Variants in DOCK9 observed in about 807,000 individuals in gnomAD.
The protein encoded by DOCK9 is dedicator of cytokinesis 9, also known as dedicator of cytokinesis protein 9.
A neutral mutation model predicts 263.3 loss-of-function variants in DOCK9; 89 were observed. The observed-to-expected ratio is 0.34, with a 90% CI of 0.28 to 0.40. The LOEUF is 0.40. Among genes scored for constraint, DOCK9 ranks in the 10% least tolerant of loss-of-function variants. The probability of loss-of-function intolerance (pLI) is 1.00; values close to 1 mark genes in which losing one functional copy is unlikely to be tolerated. For missense variants in DOCK9, 2,140 were observed against 2,603.4 expected (o/e 0.82, Z 3.87); for synonymous variants, 976 against 973.1 (o/e 1.00, Z -0.06).
intron 1 of DOCK9, among the ~76,000 whole-genome samples, chr13:99,052,704 G>T (rs950387952): frequency 1.5e-4 from 23 of 151,908 alleles, no homozygotes; most frequent in Non-Finnish European, 3.2e-4. Context: ...GGGCTCAAGT[G>T]GTCCTCCTAC....
intron 1 of DOCK9, among the ~76,000 whole-genome samples, chr13:99,010,573 A>G (rs1352282070): frequency 6.6e-6 from 1 of 150,830 alleles, no homozygotes; most frequent in Non-Finnish European, 1.5e-5. Context: ...ATTAATCCGA[A>G]AAGGGGAAAT....
In DOCK9 at chr13:98,809,295, G is replaced by T. The variant is rs535040635; in HGVS notation, c.5367+57C>A. 3,100 of 1,447,044 alleles carry T rather than the reference G, an allele frequency of 2.1e-3. 91 individuals are homozygous for T. The South Asian group carries it at 0.036, about 17-fold the overall frequency. The allele number at this position is 1,447,044 out of a possible 1,614,324, so 89.6% of individuals were successfully genotyped here. A position where few individuals can be genotyped will look rare whatever the true frequency, so the allele number is the denominator to read the frequency against. On this transcript the variant is annotated intron_variant, in intron 47 of 52. Coordinates refer to ENST00000682017, the MANE Select transcript of DOCK9 (RefSeq NM_001366683.2). ...TTATTATAGTTTTTTTTTTGTTTTT[G>T]TTTTTGTTTTTTTTTAAAGGACTTA...
intron 19 of DOCK9, 36 bp from the exon 20 acceptor site, chr13:98,885,867 A>G (rs1243332155): frequency 2.5e-6 from 4 of 1,576,468 alleles, no homozygotes; most frequent in Middle Eastern, 1.7e-4. Flanking sequence ...AAAATATTCT[A>G]AAAACACAGA....
At chr13:98,857,384 T>A (rs986717918) in intron 33 of DOCK9, 8 of 152,166 alleles carry the variant, frequency 5.3e-5, no homozygotes, top group African/African-American at 1.9e-4. Flanking sequence ...AAAAGTATAT[T>A]TGAAAGTGAC....
chr13:99,058,647 C>T (rs2142268271), intron 1 of DOCK9, among the ~76,000 whole-genome samples: 1 of 152,248 alleles, frequency 6.6e-6, no homozygotes, highest in Admixed American at 6.5e-5. Flanking sequence ...CCCCCATCCA[C>T]CCTCACCCAG....
intron 1 of DOCK9, among the ~76,000 whole-genome samples, chr13:98,970,371 TA>T (rs1567133932): frequency 3.9e-5 from 6 of 152,264 alleles, no homozygotes; most frequent in Admixed American, 3.9e-4. Flanking sequence ...CAGAACGTGG[TA>T]GTGGAACAGG....
In DOCK9 at chr13:98,895,579, C is replaced by T. The variant is rs375397522; in HGVS notation, c.1709+1909G>A. On this transcript the variant is annotated intron_variant, in intron 15 of 52. Transcript: ENST00000682017. ...ACTTGGGAGGCTGAGGCAGGAGAAT[C>T]GCTTGAACTCGGGAGGCGGAGGTTG... 1.5e-3 allele frequency among the ~76,000 whole-genome samples: 231 copies of T among 150,574 alleles called. 8 individuals are homozygous for T. The South Asian group carries it at 0.046, about 30-fold the overall frequency.
At chr13:98,871,751 C>T (rs1323420080) in intron 27 of DOCK9, 1 of 152,460 alleles carries the variant, frequency 6.6e-6, no homozygotes, top group Non-Finnish European at 1.5e-5. Flanking sequence ...GTGTGCTGCG[C>T]TGCACTGCAG....
chr13:99,015,196 A>G (rs1270910815), intron 1 of DOCK9, among the ~76,000 whole-genome samples: 1 of 152,260 alleles, frequency 6.6e-6, no homozygotes, highest in East Asian at 1.9e-4. Flanking sequence ...ATAAAGCTAC[A>G]TTAGAAAACT....
At chr13:98,956,598 T>C (rs2058086361) in intron 1 of DOCK9, among the ~76,000 whole-genome samples, 1 of 151,710 alleles carries the variant, frequency 6.6e-6, no homozygotes, top group African/African-American at 2.4e-5. Context: ...AGTATAAAAA[T>C]TAGCCAGGCG....
chr13:98,808,811 G>C, intron 47 of DOCK9: 1 of 686,798 alleles, frequency 1.5e-6, no homozygotes, highest in Non-Finnish European at 2.4e-6. Flanking sequence ...TAAAATTTAA[G>C]TTAAATTTAG....
In DOCK9 at chr13:98,805,085, C is replaced by T. The variant is rs762822783; in HGVS notation, c.5639G>A (p.Arg1880His). 12 of 1,611,806 alleles carry T rather than the reference C, an allele frequency of 7.4e-6. No individual in the cohort carries two copies. The highest frequency in any genetic ancestry group is 2.2e-5 in the South Asian group (2 of 90,498). ...CGTAAATGGCATCTCAAACATGAAG[C>T]GGCGGATGTTGTGGGATCTCTCAAA... is the stretch of plus-strand genomic sequence containing the variant. ...TEFERSHNIR[R>H]FMFEMPFTQT... is the part of the protein sequence containing the mutation. The change falls in exon 49 of 53, where the codon CGC (arginine) becomes CAC (histidine). Residue 1880 changes from arginine (R) to histidine (H), a missense_variant. Arg to His is a conservative substitution (Grantham distance 29). Transcript: ENST00000682017.
At chr13:99,054,110 T>C (rs558561377) in intron 1 of DOCK9, among the ~76,000 whole-genome samples, 1 of 152,216 alleles carries the variant, frequency 6.6e-6, no homozygotes, top group Non-Finnish European at 1.5e-5. Flanking sequence ...TTGCCGCATC[T>C]CAAAAGAGGA....
In DOCK9 at chr13:98,867,499, A is replaced by G. The variant is rs756373830; in HGVS notation, c.3212T>C (p.Val1071Ala). The G allele has an allele frequency of 3.0e-5, 48 of 1,611,950 alleles. No homozygotes were observed. The highest frequency in any genetic ancestry group is 3.4e-5 in the Admixed American group (2 of 59,564). ...FEYKFEFLRVVCNHEHYIPLN... is the reference protein window; with the variant it reads ...FEYKFEFLRVACNHEHYIPLN... ...CGGAATATAATGTTCATGGTTGCAC[A>G]CTACACGGAGAAATTCAAACTTGTA... The change falls in exon 30 of 53, where the codon GTG becomes GCG. Residue 1071 changes from valine to alanine, a missense_variant. Physicochemically the swap from Val to Ala is moderately conservative, Grantham distance 64. Coordinates refer to ENST00000682017, the MANE Select transcript of DOCK9 (RefSeq NM_001366683.2).
At chr13:98,917,438 A>G (rs1324619019) in intron 7 of DOCK9, among the ~76,000 whole-genome samples, 1 of 152,110 alleles carries the variant, frequency 6.6e-6, no homozygotes, top group Non-Finnish European at 1.5e-5. Flanking sequence ...TCACTCTGGC[A>G]CTCCTTACTT....
rs534996901 is a variant in DOCK9, at chr13:98,804,876, TG to T, written c.5725+122del. 1.1e-5 allele frequency: 10 copies of T among 885,954 alleles called. No homozygotes were observed. The South Asian group carries it at 1.5e-4, about 13-fold the overall frequency. The allele number at this position is 885,954 out of a possible 1,614,324, so 54.9% of individuals were successfully genotyped here. A position where few individuals can be genotyped will look rare whatever the true frequency, so the allele number is the denominator to read the frequency against. ...GCACTAGATAAATGTGAAACTGAAA[TG>T]GGTGTGGGGGTGGCTAACTGAGCTC... On this transcript the variant is annotated intron_variant, in intron 49 of 52. Coordinates refer to ENST00000682017, the MANE Select transcript of DOCK9 (RefSeq NM_001366683.2).
upstream of DOCK9, among the ~76,000 whole-genome samples, chr13:98,978,694 T>G (rs1876025903): frequency 1.3e-5 from 2 of 152,184 alleles, no homozygotes; most frequent in African/African-American, 4.8e-5. Context: ...TACTAGGTGC[T>G]GAGAGGATCA....
chr13:98,922,088 T>C lies in DOCK9; in HGVS notation c.545A>G (p.Lys182Arg), dbSNP rs1383213871. ...GCTGATGGCACTGTTCATGTTGCCT[T>C]TGTACAGCCAGCCATGCTTGGTGAT... The part of the protein sequence containing the change: ...GGITKHGWLY[K>R]GNMNSAISVT... The change falls in exon 6 of 53, where the codon AAA becomes AGA. Residue 182 changes from lysine to arginine, a missense_variant. Transcript: ENST00000682017. 1.9e-6 allele frequency: 3 copies of C among 1,602,188 alleles called. No individual in the cohort carries two copies. The highest frequency in any genetic ancestry group is 1.7e-6 in the Non-Finnish European group (2 of 1,175,016).
intron 27 of DOCK9, among the ~76,000 whole-genome samples, chr13:98,874,094 T>C (rs1190926112): frequency 6.6e-6 from 1 of 152,236 alleles, no homozygotes; most frequent in East Asian, 1.9e-4. Context: ...CAAGTGAATA[T>C]AACTGTAACC....
Sources: gnomAD v4.1 joint callset for allele counts (sites outside exome capture counted in the v4.1 genomes callset) on GRCh38, gnomAD v4.1.1 for gene constraint, MANE v1.5 for transcripts, NCBI Gene and HGNC (gene_info 2026-07-23, HGNC 2026-07-21) for gene names.